The following POLR1A variants were observed in gnomAD, a reference collection of about 807,000 sequenced individuals.
The protein encoded by POLR1A is DNA-directed RNA polymerase I subunit RPA1.
Under a neutral mutation model 205.3 loss-of-function variants are expected in POLR1A, and 84 were observed. The ratio of observed to expected loss-of-function variants is 0.41; its 90% confidence interval spans 0.34 to 0.49. POLR1A has a LOEUF of 0.49. Ranked by LOEUF, POLR1A falls within the 20% of genes least tolerant of loss-of-function variation. The pLI is 0.22. For synonymous variants in POLR1A, 799 were observed against 863.7 expected (o/e 0.93, Z 1.31); for missense variants, 1,645 against 2,204.5 (o/e 0.75, Z 5.08).
chr2:86,103,207 G>C (rs963045890), intron 1 of POLR1A, among the ~76,000 whole-genome samples: 4 of 152,200 alleles, frequency 2.6e-5, no homozygotes, highest in African/African-American at 9.7e-5. Flanking sequence ...CCACTAAGGA[G>C]GAACTTGGGC....
In POLR1A at chr2:86,088,806, G is replaced by A; in HGVS notation, c.605C>T (p.Ala202Val). Residue 202 changes from alanine (A) to valine (V), a missense_variant, in exon 5 of 34, where the codon GCT becomes GTT. Physicochemically the swap from Ala to Val is moderately conservative, Grantham distance 64. This residue lies in a region of POLR1A where 330 missense variants were observed against 375.6 expected (regional missense o/e 0.88). Coordinates refer to ENST00000263857, the MANE Select transcript of POLR1A (RefSeq NM_015425.6). ...TTACTTGCAGTGGGGACAGCGCTTA[G>A]CATTCATATGTGCCTTCCAGAAGAG... ...IALFWKAHMN[A>V]KRCPHCKTGR... 3.1e-6 allele frequency: 5 copies of A among 1,613,888 alleles called. No homozygotes were observed. The highest frequency in any genetic ancestry group is 4.2e-6 in the Non-Finnish European group (5 of 1,179,760).
In POLR1A at chr2:86,080,986, GGGACATACGGAATAA is replaced by G; in HGVS notation, c.924-23_924-9del. On this transcript the variant is annotated splice_polypyrimidine_tract_variant and intron_variant, in intron 8 of 33. Coordinates refer to ENST00000263857, the MANE Select transcript of POLR1A (RefSeq NM_015425.6). Reference sequence around the variant, plus strand: ...CGACTGACTGGGCGATACCTGCAGGGGGACATACGGAATAAATGAATGTTTAGTGTGAGGAAAGGG... The same window carrying G: ...CGACTGACTGGGCGATACCTGCAGGGATGAATGTTTAGTGTGAGGAAAGGG... 6.2e-7 allele frequency: 1 copy of G among 1,604,462 alleles called. No individual in the cohort carries two copies. Among genetic ancestry groups the G allele is most frequent in the Non-Finnish European group, 8.5e-7 (1 of 1,175,030 alleles).
At chr2:86,051,628 C>T (rs779750877) in intron 16 of POLR1A, among the ~76,000 whole-genome samples, 1 of 152,240 alleles carries the variant, frequency 6.6e-6, no homozygotes. Context: ...GTCCCCCTAA[C>T]GCGAACAGCG....
Position 86,062,046 on chromosome 2 carries a change from G to T in POLR1A, c.2058+3228C>A, listed in dbSNP as rs1053735562. Among the ~76,000 whole-genome samples, 3 of 152,262 alleles carry T rather than the reference G, an allele frequency of 2.0e-5. No individual in the cohort carries two copies. In the East Asian group the frequency reaches 5.8e-4, roughly 29 times the overall value. ...GGTTTGTAAATAGAAAATCAATCAA[G>T]AGGCTGTATGAAATGACCTGGAGAA... On this transcript the variant is annotated intron_variant, in intron 14 of 33. Coordinates refer to ENST00000263857, the MANE Select transcript of POLR1A (RefSeq NM_015425.6).
chr2:86,082,067 C>T (rs1181938962), intron 7 of POLR1A, among the ~76,000 whole-genome samples: 1 of 151,986 alleles, frequency 6.6e-6, no homozygotes, highest in Non-Finnish European at 1.5e-5. Flanking sequence ...AACTCCTGGG[C>T]TCAATTGATC....
intron 16 of POLR1A, among the ~76,000 whole-genome samples, chr2:86,051,596 T>C (rs760220429): frequency 6.6e-6 from 1 of 152,216 alleles, no homozygotes. Context: ...CTGCGGTGCA[T>C]GCCTGACACG....
At chr2:86,045,396 G>A (rs1165672100) in intron 20 of POLR1A, 36 bp from the exon 21 acceptor site, 9 of 1,523,072 alleles carry the variant, frequency 5.9e-6, no homozygotes, top group Non-Finnish European at 8.2e-6. Flanking sequence ...AAAGGTGACA[G>A]TGAGGACAGT....
intron 6 of POLR1A, among the ~76,000 whole-genome samples, chr2:86,085,681 G>A (rs995013661): frequency 1.3e-5 from 2 of 152,162 alleles, no homozygotes; most frequent in Non-Finnish European, 2.9e-5. Flanking sequence ...TCAATCACAG[G>A]ATCTTAAAGT....
intron 16 of POLR1A, among the ~76,000 whole-genome samples, chr2:86,052,064 C>A (rs1672812854): frequency 6.6e-6 from 1 of 152,194 alleles, no homozygotes; most frequent in Admixed American, 6.5e-5. Flanking sequence ...CCCGCCTCAG[C>A]CTCCTGAGTA....
intron 12 of POLR1A, 41 bp downstream of exon 12, chr2:86,074,989 A>T: frequency 7.2e-7 from 1 of 1,394,238 alleles, no homozygotes; most frequent in East Asian, 2.4e-5. Context: ...GAATCCGAAC[A>T]GGAGCCGGAT....
intron 1 of POLR1A, 31 bp downstream of exon 1, chr2:86,105,669 G>A: frequency 7.3e-6 from 11 of 1,514,766 alleles, no homozygotes; most frequent in Non-Finnish European, 1.0e-5. Flanking sequence ...TCAAGATCCA[G>A]GCTGGGCACG....
At chr2:86,037,456 G>A (rs1672521050) in intron 27 of POLR1A, among the ~76,000 whole-genome samples, 1 of 152,256 alleles carries the variant, frequency 6.6e-6, no homozygotes, top group South Asian at 2.1e-4. Context: ...AAGGTGAGAG[G>A]GCAGAGGGCT....
In POLR1A at chr2:86,039,405, C is replaced by G; in HGVS notation, c.3798G>C (p.Val1266=). 6.2e-7 allele frequency: 1 copy of G among 1,614,088 alleles called. No individual in the cohort carries two copies. Among genetic ancestry groups the G allele is most frequent in the Non-Finnish European group, 8.5e-7 (1 of 1,180,008 alleles). ...GGGCTTTCTTGGTGTTGAGCACGGG[C>G]ACGCTCATCATGGGTGTCTTGATGT... ...SANIKTPMMS[V]PVLNTKKALK... Residue 1266 remains valine, a synonymous_variant, in exon 26 of 34, where the codon GTG becomes GTC. Transcript: ENST00000263857.
At chr2:86,065,250 C>T in intron 14 of POLR1A, 24 bp downstream of exon 14, 1 of 1,603,124 alleles carries the variant, frequency 6.2e-7, no homozygotes, top group Non-Finnish European at 8.5e-7. Context: ...TTGTTACATA[C>T]ACTGGCTGTT....
intron 10 of POLR1A, 46 bp from the exon 11 acceptor site, chr2:86,078,027 A>T (rs1343583351): frequency 6.2e-7 from 1 of 1,613,520 alleles, no homozygotes; most frequent in South Asian, 1.1e-5. Context: ...CAAGAATTCC[A>T]GTAGGCTTAT....
chr2:86,027,244 G>A lies in POLR1A; in HGVS notation c.*179C>T. The A allele has an allele frequency of 1.6e-6, 1 of 610,312 alleles. No homozygotes were observed. The highest frequency in any genetic ancestry group is 2.9e-6 in the Non-Finnish European group (1 of 340,852). 37.8% of individuals were successfully genotyped at this position (610,312 alleles called of 1,614,324 possible). A position where few individuals can be genotyped will look rare whatever the true frequency, so the allele number is the denominator to read the frequency against. ...GATGAGCAACTCTGTCACTTTCCAGGTGAAGCTGGCCCAGCTCAGAGGCCC... is the reference window on the plus strand; with the variant it reads ...GATGAGCAACTCTGTCACTTTCCAGATGAAGCTGGCCCAGCTCAGAGGCCC... On this transcript the variant is annotated 3_prime_UTR_variant, in exon 34 of 34. Coordinates refer to ENST00000263857, the MANE Select transcript of POLR1A (RefSeq NM_015425.6).
intron 12 of POLR1A, among the ~76,000 whole-genome samples, chr2:86,073,097 G>A (rs1673208573): frequency 6.6e-6 from 1 of 152,008 alleles, no homozygotes; most frequent in African/African-American, 2.4e-5. Context: ...TACTCGGGAG[G>A]CTGAGTCAGA....
chr2:86,031,781 C>T (rs560695702), intron 29 of POLR1A, 146 bp from the exon 30 acceptor site: 46 of 1,102,314 alleles, frequency 4.2e-5, no homozygotes, highest in Admixed American at 9.2e-5. Flanking sequence ...TCCTCTGCTC[C>T]GGCCTGGTTG....
At chr2:86,090,312 T>C (rs1160073262) in intron 3 of POLR1A, among the ~76,000 whole-genome samples, 1 of 141,586 alleles carries the variant, frequency 7.1e-6, no homozygotes, top group Admixed American at 7.7e-5. Flanking sequence ...AGGAGATCGC[T>C]GGGAGGGGAA....
Sources: gnomAD v4.1 joint callset for allele counts (sites outside exome capture counted in the v4.1 genomes callset) on GRCh38, gnomAD v4.1.1 for gene constraint, gnomAD v4.1.1 regional missense constraint, MANE v1.5 for transcripts, NCBI Gene and HGNC (gene_info 2026-07-23, HGNC 2026-07-21) for gene names.